The following NPM1 variants were observed in gnomAD, a reference collection of about 807,000 sequenced individuals.
NPM1 encodes nucleophosmin 1, also known as nucleophosmin.
In NPM1, 1 loss-of-function variant was observed where a neutral mutation model predicts 44.1. The ratio of observed to expected loss-of-function variants is 0.02; its 90% CI spans 0.01 to 0.11. The LOEUF (loss-of-function observed/expected upper bound fraction) is 0.11. NPM1 is among the 10% of genes least tolerant of loss of function. NPM1 has a pLI of 1.00. For missense variants in NPM1, 197 were observed against 347.8 expected (o/e 0.57, Z 3.45); for synonymous variants, 126 against 111.8 (o/e 1.13, Z -0.80).
chr5:171,409,974 T>A (rs954935851), intron 10 of NPM1, among the ~76,000 whole-genome samples: 1 of 152,136 alleles, frequency 6.6e-6, no homozygotes. Flanking sequence ...ATTTTTGCAT[T>A]TTTAGTAGAC....
At position 171,405,982 on chromosome 5, in the gene NPM1, G is replaced by GA. The variant is rs1169181699; in HGVS notation, c.771+581dup. On this transcript the variant is annotated intron_variant, in intron 9 of 10. Coordinates refer to ENST00000296930, the MANE Select transcript of NPM1 (RefSeq NM_002520.7). ...TTTGTCTTAAATAATGGAAATGTGG[G>GA]AAGAGGGTTAGGTCTCTCATCTGCT... Among the ~76,000 whole-genome samples, 3 of 152,256 alleles carry GA rather than the reference G, an allele frequency of 2.0e-5. No individual in the cohort carries two copies. In the South Asian group the frequency reaches 6.2e-4, roughly 32 times the overall value.
In NPM1 at chr5:171,390,034, T is replaced by G; in HGVS notation, c.59-17T>G. 1.3e-6 allele frequency: 2 copies of G among 1,531,000 alleles called. No individual in the cohort carries two copies. The highest frequency in any genetic ancestry group is 1.8e-6 in the Non-Finnish European group (2 of 1,125,548). 94.8% of individuals were successfully genotyped at this position (1,531,000 alleles called of 1,614,324 possible). ...TATTTTTCTCCTTGTTAGAGTTGCT[T>G]TTTTCTTCATTTACAGGTTGTGAAC... On this transcript the variant is annotated splice_polypyrimidine_tract_variant and intron_variant, in intron 1 of 10. Transcript: ENST00000296930.
chr5:171,388,997 T>G (rs749457472), intron 1 of NPM1, among the ~76,000 whole-genome samples: 1 of 152,242 alleles, frequency 6.6e-6, no homozygotes, highest in Non-Finnish European at 1.5e-5. Flanking sequence ...TGTGCGGCAT[T>G]GACCAAACTG....
At chr5:171,406,499 C>A (rs1453408591) in intron 9 of NPM1, 12 of 1,595,170 alleles carry the variant, frequency 7.5e-6, no homozygotes, top group Admixed American at 1.7e-5. Context: ...CATCAACAAT[C>A]CAGACTGAAG....
In NPM1 at chr5:171,403,933, C is replaced by T. The variant is rs1421151473; in HGVS notation, c.670-1369C>T. ...GGGGCTTACCCCCCCACCTCCCTCC[C>T]GGACGGGGCGGCTGGCCGGGTGGGG... On this transcript the variant is annotated intron_variant, in intron 8 of 10. Transcript: ENST00000296930. Among the ~76,000 whole-genome samples, 10 of 75,678 alleles carry T rather than the reference C, an allele frequency of 1.3e-4. 1 individual carries two copies. The South Asian group carries it at 3.2e-3, about 24-fold the overall frequency. The allele number at this position is 75,678 out of a possible 152,430, so 49.6% of individuals were successfully genotyped here. A position where few individuals can be genotyped will look rare whatever the true frequency, so the allele number is the denominator to read the frequency against.
At chr5:171,405,506 TAATATACTTGCCTG>T (rs1167210188) in intron 9 of NPM1, 103 bp downstream of exon 9, 9 of 677,602 alleles carry the variant, frequency 1.3e-5, no homozygotes, top group Non-Finnish European at 2.1e-5. Flanking sequence ...TGTTTTGGTT[TAATATACTTGCCTG>T]GTTCGTGGTA....
rs1231302888 is a variant in NPM1, at chr5:171,403,207, TCTTAACGAGCATGCTGC to T, written c.670-2091_670-2075del. On this transcript the variant is annotated intron_variant, in intron 8 of 10. Transcript: ENST00000296930. ...CTTGAGATTAGGGATTGGTGATGAC[TCTTAACGAGCATGCTGC>T]CTTCAAGCATCTGTTTAACAAAGCA... is the stretch of plus-strand genomic sequence containing the variant. 1.1e-4 allele frequency among the ~76,000 whole-genome samples: 7 copies of T among 62,730 alleles called. No homozygotes were observed. In the East Asian group the frequency reaches 3.3e-3, roughly 30 times the overall value. The allele number at this position is 62,730 out of a possible 152,430, so 41.2% of individuals were successfully genotyped here.
chr5:171,399,441 CATT>C (rs1771078577), intron 6 of NPM1, among the ~76,000 whole-genome samples: 1 of 152,190 alleles, frequency 6.6e-6, no homozygotes, highest in African/African-American at 2.4e-5. Flanking sequence ...AGAGGGTTCT[CATT>C]ATGTTGCCTA....
chr5:171,403,275 T>C (rs1420266998), intron 8 of NPM1, among the ~76,000 whole-genome samples: 7 of 88,504 alleles, frequency 7.9e-5, no homozygotes, highest in Admixed American at 3.5e-4. Context: ...TTAATCCATT[T>C]AACCCTGAGT....
intron 1 of NPM1, among the ~76,000 whole-genome samples, chr5:171,389,615 T>A (rs1770467269): frequency 6.6e-6 from 1 of 152,204 alleles, no homozygotes; most frequent in Admixed American, 6.5e-5. Context: ...CTTTTGTCAT[T>A]TTTCTTTTGT....
chr5:171,402,952 CTTT>C (rs560900151), intron 8 of NPM1, among the ~76,000 whole-genome samples: 2 of 91,866 alleles, frequency 2.2e-5, no homozygotes, highest in Non-Finnish European at 4.5e-5. Flanking sequence ...TCAGGTAGTT[CTTT>C]TTTTTTTTTT....
intron 8 of NPM1, among the ~76,000 whole-genome samples, chr5:171,404,441 T>C (rs1272980715): frequency 1.2e-5 from 1 of 80,400 alleles, no homozygotes; most frequent in Non-Finnish European, 2.5e-5. Flanking sequence ...GCAGAGACGC[T>C]CCTCACCTCC....
At chr5:171,392,388 AT>A (rs922991783) in intron 4 of NPM1, among the ~76,000 whole-genome samples, 1 of 151,870 alleles carries the variant, frequency 6.6e-6, no homozygotes, top group African/African-American at 2.4e-5. Flanking sequence ...CGCCTGGCTA[AT>A]TTTTTTTGTA....
At chr5:171,396,746 C>T (rs746673580) in intron 6 of NPM1, among the ~76,000 whole-genome samples, 6 of 152,078 alleles carry the variant, frequency 3.9e-5, no homozygotes, top group South Asian at 2.1e-4. Context: ...TTTGGGTGGT[C>T]GATGCGGGCA....
At chr5:171,403,964 G>GC in intron 8 of NPM1, among the ~76,000 whole-genome samples, 1 of 75,442 alleles carries the variant, frequency 1.3e-5, no homozygotes, top group African/African-American at 5.4e-5. Context: ...TGGGGGGGCT[G>GC]ACCCCCCCAT....
intron 6 of NPM1, among the ~76,000 whole-genome samples, chr5:171,397,261 A>AT (rs537237541): frequency 6.6e-5 from 10 of 152,322 alleles, no homozygotes; most frequent in African/African-American, 2.4e-4. Context: ...AATACATTGT[A>AT]TGGGTATGTT....
chr5:171,395,962 A>ATTTTTTTTTTTTTT (rs200119475), intron 6 of NPM1, among the ~76,000 whole-genome samples: 1 of 133,438 alleles, frequency 7.5e-6, no homozygotes, highest in African/African-American at 2.9e-5. Context: ...AGTAAAGCTG[A>ATTTTTTTTTTTTTT]ATTTTTTTTT....
chr5:171,408,100 C>G (rs1383863120), intron 10 of NPM1, among the ~76,000 whole-genome samples: 1 of 148,996 alleles, frequency 6.7e-6, no homozygotes, highest in African/African-American at 2.5e-5. Context: ...TTCCATTTGA[C>G]TGCTTGGGGC....
chr5:171,404,878 C>G (rs943422390), intron 8 of NPM1, among the ~76,000 whole-genome samples: 5 of 152,158 alleles, frequency 3.3e-5, no homozygotes, highest in Non-Finnish European at 7.4e-5. Context: ...CTCTGTCTGC[C>G]CTGATTTCCT....
Sources: allele counts gnomAD v4.1 joint callset (sites outside exome capture counted in the v4.1 genomes callset), GRCh38; gene constraint gnomAD v4.1.1; transcripts MANE v1.5; gene names NCBI Gene and HGNC (gene_info 2026-07-23, HGNC 2026-07-21).